The following ST7 variants were observed in gnomAD, a reference collection of about 807,000 sequenced individuals.
The protein encoded by ST7 is suppression of tumorigenicity 7.
ST7 carries 28 observed loss-of-function variants against 78.7 expected under a neutral mutation model. The ratio of observed to expected loss-of-function variants is 0.36; its 90% confidence interval spans 0.26 to 0.49. The LOEUF (loss-of-function observed/expected upper bound fraction) is 0.49, where lower values mean the gene tolerates loss of function less well. Ranked by LOEUF, ST7 falls within the 20% of genes least tolerant of loss-of-function variation. ST7 has a pLI of 0.99. For synonymous variants in ST7, 247 were observed against 249.6 expected, an observed-to-expected ratio of 0.99 and a Z score of 0.10; for missense variants, 418 against 696.0, an observed-to-expected ratio of 0.60 and a Z score of 4.49.
chr7:117,081,503 C>T (rs939015448), intron 1 of ST7, among the ~76,000 whole-genome samples: 1 of 152,092 alleles, frequency 6.6e-6, no homozygotes, highest in Non-Finnish European at 1.5e-5. Flanking sequence ...TTTGGCACGA[C>T]CTGTAGCAGA....
At chr7:117,097,890 ATATATATATATATATATATT>A (rs1220549791) in intron 1 of ST7, among the ~76,000 whole-genome samples, 1 of 19,486 alleles carries the variant, frequency 5.1e-5, no homozygotes, top group Non-Finnish European at 1.0e-4. Flanking sequence ...CTATATATAT[ATATATATATATATATATATT>A]TTTTTTTTTT....
chr7:117,165,100 C>T (rs1011178185), intron 9 of ST7, among the ~76,000 whole-genome samples: 6 of 151,960 alleles, frequency 3.9e-5, no homozygotes, highest in Admixed American at 3.3e-4. Context: ...CTGGGAATGG[C>T]GTGTAATAGT....
chr7:117,083,892 C>T (rs576626744), intron 1 of ST7, among the ~76,000 whole-genome samples: 1 of 152,160 alleles, frequency 6.6e-6, no homozygotes, highest in South Asian at 2.1e-4. Context: ...GCTTTGGTTC[C>T]GCCTCCCATC....
chr7:117,057,151 T>C (rs1798104796), intron 1 of ST7, among the ~76,000 whole-genome samples: 2 of 152,212 alleles, frequency 1.3e-5, no homozygotes, highest in Non-Finnish European at 2.9e-5. Flanking sequence ...TATTTTAAAT[T>C]GTGGCCAATT....
chr7:116,965,416 G>A (rs1235468089), intron 1 of ST7, among the ~76,000 whole-genome samples: 3 of 151,952 alleles, frequency 2.0e-5, no homozygotes, highest in South Asian at 2.1e-4. Flanking sequence ...AAGGGTGGGG[G>A]GCAAGGGGAG....
At chr7:117,116,012 C>T (rs749991908) in intron 2 of ST7, among the ~76,000 whole-genome samples, 1 of 151,974 alleles carries the variant, frequency 6.6e-6, no homozygotes, top group Non-Finnish European at 1.5e-5. Context: ...AAAACTAAGC[C>T]CCAAGGAATC....
intron 1 of ST7, among the ~76,000 whole-genome samples, chr7:116,998,957 A>G (rs1794802721): frequency 6.6e-6 from 1 of 152,214 alleles, no homozygotes; most frequent in Non-Finnish European, 1.5e-5. Flanking sequence ...TAAGGGCAAA[A>G]GTAACCTTAG....
chr7:117,204,918 C>G (rs1791600027), intron 12 of ST7, among the ~76,000 whole-genome samples: 1 of 152,182 alleles, frequency 6.6e-6, no homozygotes, highest in Middle Eastern at 3.4e-3. Flanking sequence ...ATGCTTATTA[C>G]AAGCCAGGCA....
At chr7:117,028,798 A>G (rs1227184977) in intron 1 of ST7, among the ~76,000 whole-genome samples, 1 of 152,172 alleles carries the variant, frequency 6.6e-6, no homozygotes, top group Non-Finnish European at 1.5e-5. Flanking sequence ...GCTCACCTGA[A>G]CTAGATCTCC....
At chr7:117,107,048 G>A (rs1802034315) in intron 2 of ST7, among the ~76,000 whole-genome samples, 1 of 152,030 alleles carries the variant, frequency 6.6e-6, no homozygotes, top group Admixed American at 6.5e-5. Context: ...CATCCAGATT[G>A]CTGCAAATAC....
At chr7:117,181,157 A>G (rs1482983446) in intron 10 of ST7, among the ~76,000 whole-genome samples, 1 of 152,214 alleles carries the variant, frequency 6.6e-6, no homozygotes, top group African/African-American at 2.4e-5. Context: ...AAGGAAATAT[A>G]AATGATTAAA....
chr7:117,033,627 T>C (rs1796722922), intron 1 of ST7, among the ~76,000 whole-genome samples: 1 of 152,150 alleles, frequency 6.6e-6, no homozygotes, highest in Non-Finnish European at 1.5e-5. Flanking sequence ...TTTTACTGTG[T>C]TGGCCAGTCT....
rs1009511502 is a variant in ST7, at chr7:117,163,271, T to A, written c.964-7591T>A. Among the ~76,000 whole-genome samples the A allele has an allele frequency of 2.6e-5, 4 of 152,188 alleles. No homozygotes were observed. In the East Asian group the frequency reaches 7.7e-4, roughly 29 times the overall value. On this transcript the variant is annotated intron_variant, in intron 9 of 15. Transcript: ENST00000323984. ...CAGATGTCTCTTCGATATACTAATTTCCTTTCCTTTGGATAAATGCCCAGT... is the reference window on the plus strand; with the variant it reads ...CAGATGTCTCTTCGATATACTAATTACCTTTCCTTTGGATAAATGCCCAGT...
At chr7:117,194,248 TAGGAAAAGG>T (rs1810067723) in intron 12 of ST7, among the ~76,000 whole-genome samples, 4 of 152,214 alleles carry the variant, frequency 2.6e-5, no homozygotes, top group Non-Finnish European at 4.4e-5. Flanking sequence ...CCAGCTCCCA[TAGGAAAAGG>T]CATAAACTCC....
chr7:117,087,988 G>T (rs1215974619), intron 1 of ST7, among the ~76,000 whole-genome samples: 2 of 152,138 alleles, frequency 1.3e-5, no homozygotes, highest in African/African-American at 4.8e-5. Flanking sequence ...CCTGCTATAT[G>T]AAGTCCACTT....
chr7:117,046,616 G>C (rs1222507261), intron 1 of ST7, among the ~76,000 whole-genome samples: 1 of 151,910 alleles, frequency 6.6e-6, no homozygotes, highest in African/African-American at 2.4e-5. Context: ...ATTCTTCTTT[G>C]TTTTACCAAT....
chr7:117,066,965 TA>T (rs1798671264), intron 1 of ST7, among the ~76,000 whole-genome samples: 1 of 152,122 alleles, frequency 6.6e-6, no homozygotes, highest in Non-Finnish European at 1.5e-5. Context: ...TGGATTTGCT[TA>T]GTCTAGAAAT....
intron 1 of ST7, among the ~76,000 whole-genome samples, chr7:117,041,375 A>G (rs1290268101): frequency 6.6e-6 from 1 of 152,200 alleles, no homozygotes; most frequent in Non-Finnish European, 1.5e-5. Flanking sequence ...ACCATGTTAC[A>G]GTCACTAAAT....
At chr7:116,967,576 C>T (rs138101778) in intron 1 of ST7, 210 of 353,104 alleles carry the variant, frequency 5.9e-4, no homozygotes, top group African/African-American at 4.3e-3. Context: ...TGATGGCGCC[C>T]TTACCACATT....
Sources: gnomAD v4.1 joint callset for allele counts (sites outside exome capture counted in the v4.1 genomes callset) on GRCh38, gnomAD v4.1.1 for gene constraint, MANE v1.5 for transcripts, NCBI Gene and HGNC (gene_info 2026-07-23, HGNC 2026-07-21) for gene names.